CCDC33: variants seen among roughly 807,000 people sequenced by gnomAD.
CCDC33 encodes coiled-coil domain-containing protein 33.
In CCDC33, 94 loss-of-function variants were observed where a neutral mutation model predicts 91.9. That is an observed-to-expected ratio of 1.02 (90% confidence interval 0.87 to 1.21). CCDC33 has a LOEUF of 1.21. Among genes scored for constraint, CCDC33 ranks in the 50% most tolerant of loss-of-function variants. The pLI, the probability that CCDC33 is intolerant of heterozygous loss-of-function variation, is 0.00. For synonymous variants in CCDC33, 396 were observed against 374.5 expected (o/e 1.06, Z -0.66); for missense variants, 940 against 935.5 (o/e 1.00, Z -0.06).
chr15:74,322,427 A>T (rs990229285), intron 11 of CCDC33, among the ~76,000 whole-genome samples: 1 of 152,166 alleles, frequency 6.6e-6, no homozygotes, highest in Non-Finnish European at 1.5e-5. Context: ...TTACTGCAAG[A>T]TGGGTCTCAT....
chr15:74,246,579 G>A (rs2075536222), intron 2 of CCDC33, among the ~76,000 whole-genome samples: 1 of 152,160 alleles, frequency 6.6e-6, no homozygotes, highest in Admixed American at 6.5e-5. Context: ...GGTGCACATC[G>A]CTAATCATCA....
exon 1 of CCDC33, chr15:74,203,025 A>T: frequency 1.0e-6 from 1 of 985,836 alleles, no homozygotes; most frequent in Non-Finnish European, 1.2e-6. Flanking sequence ...CCTGCCCCAG[A>T]GCTCCCAAGC....
In CCDC33 at chr15:74,331,020, G is replaced by T. The variant is rs368022401; in HGVS notation, c.1585G>T (p.Ala529Ser). The T allele has an allele frequency of 1.1e-4, 171 of 1,609,906 alleles. No individual in the cohort carries two copies. The highest frequency in any genetic ancestry group is 1.3e-4 in the Non-Finnish European group (156 of 1,178,036). The change falls in exon 14 of 19, where the codon GCC (alanine) becomes TCC (serine). Residue 529 changes from alanine (A) to serine (S), a missense_variant. Ala to Ser is a moderately conservative substitution (Grantham distance 99). Coordinates refer to ENST00000398814, the MANE Select transcript of CCDC33 (RefSeq NM_025055.5). ...GAAGGAGCTGCTCCTTCTGTATCAG[G>T]CCCAGCAGCCACAGGCCGCTCTGCT... ...REKELLLLYQAQQPQAALLKQ... is the reference protein window; with the variant it reads ...REKELLLLYQSQQPQAALLKQ...
chr15:74,257,159 G>C (rs381751), intron 2 of CCDC33, among the ~76,000 whole-genome samples: 145,838 of 152,316 alleles, frequency 0.96, 69,920 homozygotes, highest in East Asian at 0.99. Context: ...GCACCATCAG[G>C]AATTAGTGAT....
At chr15:74,284,639 G>A (rs905909773) in intron 10 of CCDC33, among the ~76,000 whole-genome samples, 1 of 152,172 alleles carries the variant, frequency 6.6e-6, no homozygotes, top group African/African-American at 2.4e-5. Flanking sequence ...TCTTAGCAGG[G>A]AGTATGGAAC....
intron 2 of CCDC33, among the ~76,000 whole-genome samples, chr15:74,251,189 G>A (rs1317492761): frequency 6.6e-6 from 1 of 152,236 alleles, no homozygotes; most frequent in Non-Finnish European, 1.5e-5. Context: ...CAGTTCTTTA[G>A]AGAAAACAAG....
intron 10 of CCDC33, among the ~76,000 whole-genome samples, chr15:74,292,441 A>G (rs2075130331): frequency 6.6e-6 from 1 of 152,202 alleles, no homozygotes; most frequent in South Asian, 2.1e-4. Flanking sequence ...TGGAGAGGCA[A>G]TGCTGACCCT....
At chr15:74,331,181 C>A in intron 14 of CCDC33, 22 bp from the exon 15 acceptor site, 1 of 1,614,098 alleles carries the variant, frequency 6.2e-7, no homozygotes, top group South Asian at 1.1e-5. Flanking sequence ...TGGGCCAGCC[C>A]AGCCTCTGCT....
chr15:74,225,005 T>C (rs2074742262), intron 2 of CCDC33, among the ~76,000 whole-genome samples: 1 of 151,980 alleles, frequency 6.6e-6, no homozygotes, highest in African/African-American at 2.4e-5. Flanking sequence ...GGGAAGAGCC[T>C]CCATTAGCAG....
intron 11 of CCDC33, among the ~76,000 whole-genome samples, chr15:74,321,919 C>T (rs60425128): frequency 0.029 from 4,385 of 152,156 alleles, 90 homozygotes; most frequent in Middle Eastern, 0.12. Context: ...GTGCGTGGCC[C>T]TTGGCAGATG....
intron 1 of CCDC33, among the ~76,000 whole-genome samples, chr15:74,207,166 G>A (rs552713742): frequency 1.3e-5 from 2 of 152,260 alleles, no homozygotes; most frequent in South Asian, 2.1e-4. Context: ...GCATTTCTGC[G>A]GGAGCCTGTG....
At chr15:74,301,643 T>C (rs752850848) in intron 11 of CCDC33, 4 of 152,254 alleles carry the variant, frequency 2.6e-5, no homozygotes, top group Non-Finnish European at 5.9e-5. Flanking sequence ...GAGAGAGAGC[T>C]GGGGAGGTGG....
intron 12 of CCDC33, 57 bp from the exon 13 acceptor site, chr15:74,330,606 C>G: frequency 7.2e-7 from 1 of 1,385,006 alleles, no homozygotes; most frequent in Non-Finnish European, 1.0e-6. Flanking sequence ...ACTGACCATG[C>G]TGATTTGAGC....
At chr15:74,299,022 T>C (rs1390764968) in intron 11 of CCDC33, among the ~76,000 whole-genome samples, 2 of 151,912 alleles carry the variant, frequency 1.3e-5, no homozygotes, top group East Asian at 3.9e-4. Context: ...GGAGGAGGTG[T>C]TTTTGAGCAA....
chr15:74,225,588 G>A (rs915198674), intron 2 of CCDC33, among the ~76,000 whole-genome samples: 7 of 151,724 alleles, frequency 4.6e-5, no homozygotes, highest in African/African-American at 1.5e-4. Flanking sequence ...GACATGCCTG[G>A]GAAGCGCACA....
chr15:74,334,806 C>CCCCTCA (rs1255626664), intron 17 of CCDC33, among the ~76,000 whole-genome samples, 169 bp from the exon 18 acceptor site: 3 of 152,040 alleles, frequency 2.0e-5, no homozygotes, highest in African/African-American at 7.2e-5. Context: ...ACTGTTTGGC[C>CCCCTCA]CCCTCACCCT....
intron 11 of CCDC33, among the ~76,000 whole-genome samples, chr15:74,324,079 G>C (rs2060259682): frequency 9.2e-6 from 1 of 109,102 alleles, no homozygotes; most frequent in Non-Finnish European, 1.8e-5. Flanking sequence ...AATAGAAAGA[G>C]ACTCCATCTC....
At chr15:74,311,991 A>C (rs887718870) in intron 11 of CCDC33, 1 of 152,152 alleles carries the variant, frequency 6.6e-6, no homozygotes, top group Non-Finnish European at 1.5e-5. Flanking sequence ...GATGAAAGGG[A>C]CAGATGTTAC....
chr15:74,327,253 G>A (rs1053919345), intron 11 of CCDC33, among the ~76,000 whole-genome samples: 8 of 152,112 alleles, frequency 5.3e-5, no homozygotes, highest in African/African-American at 1.7e-4. Flanking sequence ...AGACAGGGAC[G>A]CGGCCTCACC....
Sources: gnomAD v4.1 joint callset for allele counts (sites outside exome capture counted in the v4.1 genomes callset) on GRCh38, gnomAD v4.1.1 for gene constraint, MANE v1.5 for transcripts, NCBI Gene and HGNC (gene_info 2026-07-23, HGNC 2026-07-21) for gene names.